The following STKLD1 variants were observed in gnomAD, a reference collection of about 807,000 sequenced individuals.
STKLD1 encodes serine/threonine kinase like domain containing 1, also known as serine/threonine kinase-like domain-containing protein STKLD1.
STKLD1 carries 79 observed loss-of-function variants against 80.4 expected under a neutral mutation model. That is an observed-to-expected ratio of 0.98 (90% CI 0.82 to 1.19). The LOEUF (loss-of-function observed/expected upper bound fraction) is 1.19. STKLD1 is among the 50% of genes most tolerant of loss of function. The probability of loss-of-function intolerance (pLI) is 0.00; values close to 1 mark genes in which losing one functional copy is unlikely to be tolerated. For missense variants in STKLD1, 841 were observed against 856.0 expected (o/e 0.98, Z 0.22); for synonymous variants, 393 against 357.6 (o/e 1.10, Z -1.12).
At position 133,385,662 on chromosome 9, in the gene STKLD1, CAGG is replaced by C. The variant is rs2130275160; in HGVS notation, c.268_270del (p.Glu90del). ...GCGGCACGCCCACATCTCTGTGTAC[CAGG>C]AGCTGTTCATCACGTGGAATGGGGA... On this transcript the variant is annotated inframe_deletion, in exon 4 of 18. Coordinates refer to ENST00000371957, the MANE Select transcript of STKLD1 (RefSeq NM_153710.5). The surrounding 1 kb of genome is among the most constrained non-coding windows in gnomAD (Gnocchi z 4.9). 1.2e-6 allele frequency: 2 copies of C among 1,613,264 alleles called. No individual in the cohort carries two copies. Among genetic ancestry groups the C allele is most frequent in the Non-Finnish European group, 1.7e-6 (2 of 1,179,968 alleles).
At chr9:133,403,644 C>T in intron 14 of STKLD1, 56 bp from the exon 15 acceptor site, 1 of 1,563,422 alleles carries the variant, frequency 6.4e-7, no homozygotes, top group Non-Finnish European at 8.7e-7. Context: ...ATGGGAAGGC[C>T]CCCCTGCACA....
At chr9:133,386,841 C>T (rs1838275053) in intron 4 of STKLD1, among the ~76,000 whole-genome samples, 1 of 152,242 alleles carries the variant, frequency 6.6e-6, no homozygotes, top group African/African-American at 2.4e-5. Context: ...GATGTCCACA[C>T]TGGTGTTCCC....
In STKLD1 at chr9:133,385,747, A is replaced by G; in HGVS notation, c.294+56A>G. The stretch of plus-strand genomic sequence containing the variant: ...CCGCCACGCAGTGGGCTGCAGGACC[A>G]AGCAGACTGAGCCCAGAGCACGCCC... On this transcript the variant is annotated intron_variant, in intron 4 of 17. Coordinates refer to ENST00000371957, the MANE Select transcript of STKLD1 (RefSeq NM_153710.5). The surrounding 1 kb of genome is among the most constrained non-coding windows in gnomAD (Gnocchi z 4.9). 6.5e-7 allele frequency: 1 copy of G among 1,536,724 alleles called. No individual in the cohort carries two copies.
chr9:133,376,716 C>T (rs926143144), intron 1 of STKLD1, among the ~76,000 whole-genome samples, 156 bp downstream of exon 1: 1 of 152,206 alleles, frequency 6.6e-6, no homozygotes, highest in African/African-American at 2.4e-5. Flanking sequence ...GGGCCTCCAA[C>T]GGTGACCTCC....
chr9:133,392,036 C>CAG (rs1237167530), intron 7 of STKLD1, among the ~76,000 whole-genome samples: 1 of 149,464 alleles, frequency 6.7e-6, no homozygotes, highest in African/African-American at 2.5e-5. Context: ...AGGAGGAGTC[C>CAG]AGAGTCCCAG....
intron 5 of STKLD1, 81 bp downstream of exon 5, chr9:133,387,629 G>A (rs2130280269): frequency 3.2e-5 from 35 of 1,090,250 alleles, no homozygotes; most frequent in African/African-American, 7.8e-5. Context: ...AAGTAACAGC[G>A]GGAGGGCAGG....
chr9:133,379,009 G>A, intron 1 of STKLD1, 27 bp from the exon 2 acceptor site: 1 of 1,604,166 alleles, frequency 6.2e-7, no homozygotes. Context: ...TGCATTTCCT[G>A]AAAGCTTCTC....
At chr9:133,383,126 T>C (rs1278809612) in intron 2 of STKLD1, among the ~76,000 whole-genome samples, 1 of 148,788 alleles carries the variant, frequency 6.7e-6, no homozygotes, top group African/African-American at 2.5e-5. Flanking sequence ...GGTGTGATGA[T>C]GGTTAAGGTG....
In STKLD1 at chr9:133,403,629, G is replaced by C. The variant is rs1838764920; in HGVS notation, c.1475-71G>C. On this transcript the variant is annotated intron_variant, in intron 14 of 17. Coordinates refer to ENST00000371957, the MANE Select transcript of STKLD1 (RefSeq NM_153710.5). ...CGTTAGCTGGAGGAAGGCAGCAGAT[G>C]GGGGATGGGAAGGCCCCCCTGCACA... 2.6e-6 allele frequency: 4 copies of C among 1,546,908 alleles called. No homozygotes were observed. The Admixed American group carries it at 7.6e-5, about 29-fold the overall frequency.
chr9:133,401,737 G>A lies in STKLD1; in HGVS notation c.1199-1G>A. Reference sequence around the variant, plus strand: ...CAGGCGTCTTCCTCTGGCTTGAGCAGCGCTGGTGCACCACCCGGAAGCCAA... The same window carrying A: ...CAGGCGTCTTCCTCTGGCTTGAGCAACGCTGGTGCACCACCCGGAAGCCAA... On this transcript the variant is annotated splice_acceptor_variant, in intron 12 of 17. Coordinates refer to ENST00000371957, the MANE Select transcript of STKLD1 (RefSeq NM_153710.5). LOFTEE classifies it high-confidence loss of function. The A allele has an allele frequency of 6.2e-7, 1 of 1,611,442 alleles. No homozygotes were observed. The highest frequency in any genetic ancestry group is 8.5e-7 in the Non-Finnish European group (1 of 1,179,584).
At chr9:133,387,874 C>T in intron 5 of STKLD1, 1 of 494,924 alleles carries the variant, frequency 2.0e-6, no homozygotes, top group Non-Finnish European at 4.0e-6. Flanking sequence ...GCTGCCACTC[C>T]TGTCTGGTCT....
Position 133,376,536 on chromosome 9 carries a change from C to G in STKLD1, c.63C>G (p.Pro21=), listed in dbSNP as rs2130249109. ...PTQGERGPGS[P]GEPMEKYQVL... ...AGGGGGAGCGAGGCCCAGGGTCCCC[C>G]GGAGAGCCCATGGAGAAGTACCAGG... Residue 21 remains proline (P), a synonymous_variant, in exon 1 of 18, where the codon CCC becomes CCG. Coordinates refer to ENST00000371957, the MANE Select transcript of STKLD1 (RefSeq NM_153710.5). 10 of 1,600,242 alleles carry G rather than the reference C, an allele frequency of 6.2e-6. No homozygotes were observed. In the African/African-American group the frequency reaches 8.1e-5, roughly 13 times the overall value.
chr9:133,377,030 T>C (rs1837987425), intron 1 of STKLD1, among the ~76,000 whole-genome samples: 1 of 152,228 alleles, frequency 6.6e-6, no homozygotes, highest in Admixed American at 6.5e-5. Flanking sequence ...CTATACATGA[T>C]ATATACACTT....
intron 1 of STKLD1, among the ~76,000 whole-genome samples, chr9:133,377,270 A>G (rs1217615990): frequency 1.3e-5 from 2 of 152,174 alleles, no homozygotes; most frequent in East Asian, 3.8e-4. Flanking sequence ...GGAAAAAAAA[A>G]TAGACTTGAT....
At chr9:133,393,597 G>A (rs1554776288) in intron 7 of STKLD1, among the ~76,000 whole-genome samples, 2 of 142,724 alleles carry the variant, frequency 1.4e-5, no homozygotes, top group East Asian at 4.2e-4. Context: ...GGGTGGGTGA[G>A]TGAGTGAATG....
At chr9:133,399,867 A>G (rs1233288944) in intron 11 of STKLD1, among the ~76,000 whole-genome samples, 1 of 129,878 alleles carries the variant, frequency 7.7e-6, no homozygotes, top group African/African-American at 3.0e-5. Flanking sequence ...CGACAGAGTG[A>G]GACTCTGTTT....
intron 13 of STKLD1, 98 bp downstream of exon 13, chr9:133,401,976 G>A: frequency 2.1e-6 from 3 of 1,461,474 alleles, no homozygotes; most frequent in Non-Finnish European, 2.8e-6. Context: ...GGGTTGGACA[G>A]GACAGTGCTG....
chr9:133,389,365 C>CCAT lies in STKLD1; in HGVS notation c.397-161_397-160insCAT. 1 of 985,324 alleles carries CCAT rather than the reference C, an allele frequency of 1.0e-6. No individual in the cohort carries two copies. The allele number at this position is 985,324 out of a possible 1,614,324, so 61.0% of individuals were successfully genotyped here. A position where few individuals can be genotyped will look rare whatever the true frequency, so the allele number is the denominator to read the frequency against. ...GGCTTTACCATCTGGAGAGCCACCA[C>CCAT]GCTGAAGCCTCCTCCACCCTGAGCG... On this transcript the variant is annotated intron_variant, in intron 5 of 17. Coordinates refer to ENST00000371957, the MANE Select transcript of STKLD1 (RefSeq NM_153710.5). The surrounding 1 kb of genome is among the most constrained non-coding windows in gnomAD (Gnocchi z 6.4).
At chr9:133,398,171 T>C in intron 11 of STKLD1, 116 bp downstream of exon 11, 1 of 906,168 alleles carries the variant, frequency 1.1e-6, no homozygotes, top group Non-Finnish European at 1.7e-6. Flanking sequence ...CAGTGCTTTA[T>C]TGCAGCGTGG....
Sources: allele counts gnomAD v4.1 joint callset (sites outside exome capture counted in the v4.1 genomes callset), GRCh38; gene constraint gnomAD v4.1.1; non-coding constraint Gnocchi (gnomAD v3.1); transcripts MANE v1.5; gene names NCBI Gene and HGNC (gene_info 2026-07-23, HGNC 2026-07-21).